The following CUBN variants were observed in gnomAD, a reference collection of about 807,000 sequenced individuals.
CUBN encodes the protein 460 kDa receptor.
In CUBN, 282 loss-of-function variants were observed where a neutral mutation model predicts 405.3. The ratio of observed to expected loss-of-function variants is 0.70; its 90% CI spans 0.63 to 0.77. The LOEUF (loss-of-function observed/expected upper bound fraction) is 0.77. CUBN is among the 30% of genes least tolerant of loss of function. The pLI, the probability that CUBN is intolerant of heterozygous loss-of-function variation, is 0.00. For synonymous variants in CUBN, 1,684 were observed against 1,617.0 expected (o/e 1.04, Z -0.99); for missense variants, 4,514 against 4,475.2 (o/e 1.01, Z -0.25).
chr10:17,085,188 T>C (rs953335753), intron 16 of CUBN, among the ~76,000 whole-genome samples: 2 of 152,208 alleles, frequency 1.3e-5, no homozygotes, highest in African/African-American at 4.8e-5. Flanking sequence ...CTCTAGAGTC[T>C]GGGACACTGT....
At chr10:17,014,787 C>T (rs1834282851) in intron 28 of CUBN, among the ~76,000 whole-genome samples, 1 of 152,164 alleles carries the variant, frequency 6.6e-6, no homozygotes, top group Non-Finnish European at 1.5e-5. Flanking sequence ...TGGGCCAGTG[C>T]CTGAGCAAAC....
At position 16,828,852 on chromosome 10, in the gene CUBN, C is replaced by T; in HGVS notation, c.10717G>A (p.Asp3573Asn). Reference sequence around the variant, plus strand: ...GATGGAGAGCTGGCGTTGGGCCCATCATAGAGTGTGAGATAGTTCTGGACA... The same window carrying T: ...GATGGAGAGCTGGCGTTGGGCCCATTATAGAGTGTGAGATAGTTCTGGACA... ...DCVQNYLTLY[D>N]GPNASSPSSG... Residue 3573 changes from aspartate (D) to asparagine (N), a missense_variant, in exon 66 of 67, where the codon GAT (aspartate) becomes AAT (asparagine). By Grantham distance (23) the Asp-to-Asn change is conservative. Around this residue, in one of 5 missense-constraint regions of CUBN, gnomAD observed 1,186 missense variants for 1,186.9 expected, o/e 1.00. Transcript: ENST00000377833. 4 of 1,614,208 alleles carry T rather than the reference C, an allele frequency of 2.5e-6. No individual in the cohort carries two copies. Among genetic ancestry groups the T allele is most frequent in the South Asian group, 1.1e-5 (1 of 91,088 alleles).
At chr10:16,985,123 C>T (rs538701240) in intron 29 of CUBN, among the ~76,000 whole-genome samples, 11 of 152,346 alleles carry the variant, frequency 7.2e-5, no homozygotes, top group Admixed American at 2.0e-4. Context: ...TGGAAACCCA[C>T]GGCCCTAAAC....
rs1835122399 is a variant in CUBN at position 17,045,982 on chromosome 10, T to C, written c.3442A>G (p.Ile1148Val). The C allele has an allele frequency of 2.5e-6, 4 of 1,613,928 alleles. No homozygotes were observed. Among genetic ancestry groups the C allele is most frequent in the Non-Finnish European group, 3.4e-6 (4 of 1,179,968 alleles). ...KLWLKFKSDQIDTRSGFSAYW... is the reference protein window; with the variant it reads ...KLWLKFKSDQVDTRSGFSAYW... ...GCTGAGAATCCAGACCTTGTGTCTA[T>C]TTGGTCACTCTTAAATTTTAACCAT... Residue 1148 changes from isoleucine (I) to valine (V), a missense_variant, in exon 24 of 67, where the codon ATA becomes GTA. Ile to Val is a conservative substitution (Grantham distance 29). Around this residue, in one of 5 missense-constraint regions of CUBN, gnomAD observed 1,448 missense variants for 1,388.0 expected, o/e 1.04. Transcript: ENST00000377833.
At chr10:17,113,860 C>T (rs568374584) in intron 8 of CUBN, among the ~76,000 whole-genome samples, 167 bp downstream of exon 8, 5 of 152,258 alleles carry the variant, frequency 3.3e-5, no homozygotes, top group South Asian at 2.1e-4. Context: ...CCCCTTTTGA[C>T]GTGGAATTGT....
At chr10:17,039,225 C>T (rs1834964607) in intron 27 of CUBN, among the ~76,000 whole-genome samples, 2 of 152,136 alleles carry the variant, frequency 1.3e-5, no homozygotes, top group South Asian at 4.1e-4. Flanking sequence ...ATCATGAGTC[C>T]TATTTTGGTT....
chr10:17,044,967 A>G (rs1429805327), intron 25 of CUBN, 40 bp downstream of exon 25: 3 of 1,585,058 alleles, frequency 1.9e-6, no homozygotes, highest in Middle Eastern at 3.3e-4. Context: ...GTTGGGTGAG[A>G]TGGGAGCAGG....
intron 27 of CUBN, among the ~76,000 whole-genome samples, chr10:17,026,806 T>C (rs1241062975): frequency 6.6e-6 from 1 of 152,204 alleles, no homozygotes; most frequent in African/African-American, 2.4e-5. Flanking sequence ...GACTCCAAGA[T>C]GGCCCTTGGG....
At chr10:16,829,505 A>C (rs772038902) in intron 65 of CUBN, among the ~76,000 whole-genome samples, 13 of 152,298 alleles carry the variant, frequency 8.5e-5, no homozygotes, top group Non-Finnish European at 1.9e-4. Context: ...ACCAAGAGGG[A>C]GTGCGTTATT....
chr10:17,115,619 A>G, intron 6 of CUBN, 22 bp from the exon 7 acceptor site: 1 of 1,614,098 alleles, frequency 6.2e-7, no homozygotes. Context: ...ACAAGAGCAC[A>G]ATGTCAGGGC....
intron 40 of CUBN, 31 bp downstream of exon 40, chr10:16,933,056 T>C: frequency 6.2e-7 from 1 of 1,605,588 alleles, no homozygotes; most frequent in Non-Finnish European, 8.5e-7. Flanking sequence ...GTGTCAGGGT[T>C]GAAACTCAGC....
intron 44 of CUBN, among the ~76,000 whole-genome samples, chr10:16,919,463 T>C (rs910778256): frequency 2.0e-5 from 3 of 152,244 alleles, no homozygotes; most frequent in Admixed American, 2.0e-4. Context: ...CTCTTCAACA[T>C]AGTAAGACTT....
Position 16,952,395 on chromosome 10 carries a change from G to T in CUBN, c.4856-6C>A, listed in dbSNP as rs1212879721. Reference sequence around the variant, plus strand: ...GAGGATGTGGCCTCCGCAGGCTGGGGAACACACAAACACACATACATGTCA... The same window carrying T: ...GAGGATGTGGCCTCCGCAGGCTGGGTAACACACAAACACACATACATGTCA... On this transcript the variant is annotated splice_polypyrimidine_tract_variant and splice_region_variant and intron_variant, in intron 32 of 66. Coordinates refer to ENST00000377833, the MANE Select transcript of CUBN (RefSeq NM_001081.4). The T allele has an allele frequency of 1.3e-6, 2 of 1,552,542 alleles. No homozygotes were observed. The highest frequency in any genetic ancestry group is 2.2e-5 in the South Asian group (2 of 89,692).
At chr10:17,062,790 C>T (rs913268156) in intron 22 of CUBN, among the ~76,000 whole-genome samples, 2 of 152,218 alleles carry the variant, frequency 1.3e-5, no homozygotes, top group Non-Finnish European at 2.9e-5. Flanking sequence ...AAACTCACAC[C>T]TGTTGGGCTG....
At position 17,085,618 on chromosome 10, in the gene CUBN, T is replaced by C. The variant is rs1836088926; in HGVS notation, c.2089A>G (p.Ile697Val). 1.2e-6 allele frequency: 2 copies of C among 1,614,016 alleles called. No homozygotes were observed. The highest frequency in any genetic ancestry group is 2.2e-5 in the East Asian group (1 of 44,888). Residue 697 changes from isoleucine (I) to valine (V), a missense_variant, in exon 16 of 67, where the codon ATC (isoleucine) becomes GTC (valine). By Grantham distance (29) the Ile-to-Val change is conservative. Transcript: ENST00000377833. ...DSQISDQGFH[I>V]TYLTSPSDLR... Reference sequence around the variant, plus strand: ...TTACAAGGTGATGTTAAGTAGGTGATATGGAAGCCTTGGTCACTAATCTGG... The same window carrying C: ...TTACAAGGTGATGTTAAGTAGGTGACATGGAAGCCTTGGTCACTAATCTGG...
intron 59 of CUBN, among the ~76,000 whole-genome samples, chr10:16,859,233 G>C (rs1839947314): frequency 6.6e-6 from 1 of 151,988 alleles, no homozygotes; most frequent in Non-Finnish European, 1.5e-5. Flanking sequence ...TACTGACAAA[G>C]GATCATTGAT....
In CUBN at chr10:16,861,409, C is replaced by T. The variant is rs147464514; in HGVS notation, c.9454+8227G>A. 1.1e-4 allele frequency among the ~76,000 whole-genome samples: 16 copies of T among 152,108 alleles called. No homozygotes were observed. In the East Asian group the frequency reaches 1.9e-3, roughly 19 times the overall value. On this transcript the variant is annotated intron_variant, in intron 59 of 66. Transcript: ENST00000377833. ...AACTCCTGACCTCAGGTGATCAGCC[C>T]GCCTCAGCCTCCCAAGCGCTGGGAT...
chr10:17,100,293 G>A (rs1836468253), intron 13 of CUBN, 54 bp from the exon 14 acceptor site: 1 of 1,227,140 alleles, frequency 8.1e-7, no homozygotes, highest in Non-Finnish European at 1.2e-6. Context: ...AAATTTTAAA[G>A]TATTTCTCCC....
intron 54 of CUBN, among the ~76,000 whole-genome samples, chr10:16,897,769 G>C (rs1177324686): frequency 6.6e-6 from 1 of 152,080 alleles, no homozygotes; most frequent in Non-Finnish European, 1.5e-5. Context: ...CAAGCATCTC[G>C]GGCCCATTAG....
Sources: gnomAD v4.1 joint callset for allele counts (sites outside exome capture counted in the v4.1 genomes callset) on GRCh38, gnomAD v4.1.1 for gene constraint, gnomAD v4.1.1 regional missense constraint, MANE v1.5 for transcripts, NCBI Gene and HGNC (gene_info 2026-07-23, HGNC 2026-07-21) for gene names.